The following MAP7 variants were observed in gnomAD, a reference collection of about 807,000 sequenced individuals.
The protein encoded by MAP7 is ensconsin.
A neutral mutation model predicts 94.8 loss-of-function variants in MAP7; 52 were observed. The ratio of observed to expected loss-of-function variants is 0.55; its 90% CI spans 0.44 to 0.69. The LOEUF (loss-of-function observed/expected upper bound fraction) is 0.69. Ranked by LOEUF, MAP7 falls within the 30% of genes least tolerant of loss-of-function variation. The probability of loss-of-function intolerance (pLI) is 0.00; values close to 1 mark genes in which losing one functional copy is unlikely to be tolerated. For missense variants in MAP7, 940 were observed against 964.6 expected, an observed-to-expected ratio of 0.97 and a Z score of 0.34; for synonymous variants, 350 against 357.0, an observed-to-expected ratio of 0.98 and a Z score of 0.22.
chr6:136,360,978 C>A (rs1355800261), intron 12 of MAP7, 27 bp downstream of exon 12: 4 of 1,549,880 alleles, frequency 2.6e-6, no homozygotes, highest in Non-Finnish European at 3.5e-6. Context: ...GGACTGGGGC[C>A]GGGGCCAGGG....
At chr6:136,393,714 C>T (rs1025670853) in intron 3 of MAP7, among the ~76,000 whole-genome samples, 2 of 151,920 alleles carry the variant, frequency 1.3e-5, no homozygotes, top group African/African-American at 2.4e-5. Flanking sequence ...CAGCTCATTG[C>T]AACCTCAAAC....
intron 3 of MAP7, among the ~76,000 whole-genome samples, chr6:136,402,250 T>G (rs150516432): frequency 6.6e-6 from 1 of 152,254 alleles, no homozygotes; most frequent in Non-Finnish European, 1.5e-5. Context: ...TTTATGTGTT[T>G]GTGAATTCTT....
intron 1 of MAP7, among the ~76,000 whole-genome samples, chr6:136,443,950 T>C (rs1056453531): frequency 6.6e-6 from 1 of 152,220 alleles, no homozygotes; most frequent in Non-Finnish European, 1.5e-5. Context: ...TCTGTCTCGT[T>C]TGTATTAATG....
intron 10 of MAP7, chr6:136,364,375 C>A: frequency 2.7e-6 from 1 of 374,080 alleles, no homozygotes. Flanking sequence ...TCCACCAATG[C>A]TGTTCCAGCT....
At position 136,343,335 on chromosome 6, in the gene MAP7, A is replaced by T. The variant is rs1173189191; in HGVS notation, c.*893T>A. The T allele has an allele frequency of 1.3e-5, 2 of 152,642 alleles. No homozygotes were observed. The highest frequency in any genetic ancestry group is 2.4e-5 in the African/African-American group (1 of 41,460). The allele number at this position is 152,642 out of a possible 1,614,324, so 9.5% of individuals were successfully genotyped here. A position where few individuals can be genotyped will look rare whatever the true frequency, so the allele number is the denominator to read the frequency against. On this transcript the variant is annotated 3_prime_UTR_variant, in exon 18 of 18. Transcript: ENST00000354570. ...CTATTTAAAGAAATATTAAATCTTT[A>T]TTTTCCCCAACATAATTTGTGATCA...
intron 3 of MAP7, among the ~76,000 whole-genome samples, chr6:136,403,425 G>A (rs1045263242): frequency 2.6e-5 from 4 of 152,174 alleles, no homozygotes; most frequent in East Asian, 3.8e-4. Context: ...TAACCTGCCC[G>A]ATGTCTCACA....
At chr6:136,468,905 C>T (rs1308635545) in intron 1 of MAP7, among the ~76,000 whole-genome samples, 1 of 151,980 alleles carries the variant, frequency 6.6e-6, no homozygotes, top group African/African-American at 2.4e-5. Flanking sequence ...ACTGGTACCA[C>T]AAGGACAGAA....
At chr6:136,358,830 G>A (rs1791715722) in intron 15 of MAP7, among the ~76,000 whole-genome samples, 1 of 152,186 alleles carries the variant, frequency 6.6e-6, no homozygotes, top group Admixed American at 6.5e-5. Flanking sequence ...AGACCACGAA[G>A]GATCACTGAA....
intron 1 of MAP7, among the ~76,000 whole-genome samples, chr6:136,535,993 G>A (rs192621965): frequency 3.5e-4 from 53 of 151,964 alleles, no homozygotes; most frequent in African/African-American, 1.1e-3. Context: ...GAGAACATGC[G>A]GTGTTTGGTT....
intron 1 of MAP7, among the ~76,000 whole-genome samples, chr6:136,531,888 C>T (rs984523288): frequency 6.6e-6 from 1 of 152,018 alleles, no homozygotes; most frequent in Non-Finnish European, 1.5e-5. Context: ...AATATGAGAA[C>T]AAGTGCTCTA....
chr6:136,468,071 C>T (rs1807700635), intron 1 of MAP7, among the ~76,000 whole-genome samples: 1 of 152,166 alleles, frequency 6.6e-6, no homozygotes, highest in Admixed American at 6.5e-5. Context: ...ACCCCTACAG[C>T]CCCAGAGACC....
chr6:136,406,124 T>C (rs1471488014), intron 3 of MAP7, among the ~76,000 whole-genome samples: 1 of 152,170 alleles, frequency 6.6e-6, no homozygotes, highest in Non-Finnish European at 1.5e-5. Context: ...AAATTCTATA[T>C]ACTCTGGTTC....
chr6:136,462,950 A>G lies in MAP7; in HGVS notation c.68-41151T>C, dbSNP rs1805729814. 4.2e-5 allele frequency among the ~76,000 whole-genome samples: 4 copies of G among 94,456 alleles called. 1 individual carries two copies. The South Asian group carries it at 1.5e-3, about 35-fold the overall frequency. 62.0% of individuals were successfully genotyped at this position (94,456 alleles called of 152,430 possible). A position where few individuals can be genotyped will look rare whatever the true frequency, so the allele number is the denominator to read the frequency against. ...AGCCTGGGCGACAGAGTGAGATCCT[A>G]TCTCAAAAAAAAAAAAAAAAGAAAA... On this transcript the variant is annotated intron_variant, in intron 1 of 17. Coordinates refer to ENST00000354570, the MANE Select transcript of MAP7 (RefSeq NM_003980.6).
intron 1 of MAP7, among the ~76,000 whole-genome samples, chr6:136,537,789 T>A (rs909236342): frequency 8.6e-5 from 9 of 105,146 alleles, no homozygotes; most frequent in African/African-American, 3.1e-4. Flanking sequence ...AAGTTATGAA[T>A]TTTTTTTTTT....
chr6:136,357,422 T>G (rs1361403964), intron 15 of MAP7, among the ~76,000 whole-genome samples: 1 of 152,222 alleles, frequency 6.6e-6, no homozygotes, highest in African/African-American at 2.4e-5. Context: ...GAGTTTCAGA[T>G]ATATCTGTGG....
Position 136,531,184 on chromosome 6 carries a change from A to T in MAP7, c.67+19158T>A, listed in dbSNP as rs373686470. On this transcript the variant is annotated intron_variant, in intron 1 of 17. Transcript: ENST00000354570. ...CTTCTGAATTACTTGATAAAAGTTA[A>T]ATGTGCAAAGACTGTCCTCTCTTCT... Among the ~76,000 whole-genome samples the T allele has an allele frequency of 5.5e-4, 79 of 144,784 alleles. 5 individuals carry two copies. In the South Asian group the frequency reaches 8.8e-3, roughly 16 times the overall value. The allele number at this position is 144,784 out of a possible 152,430, so 95.0% of individuals were successfully genotyped here. A position where few individuals can be genotyped will look rare whatever the true frequency, so the allele number is the denominator to read the frequency against.
chr6:136,523,351 C>G (rs1289875612), intron 1 of MAP7, among the ~76,000 whole-genome samples: 4 of 152,146 alleles, frequency 2.6e-5, no homozygotes, highest in Non-Finnish European at 5.9e-5. Context: ...TGCTACAGAC[C>G]AGAACTGTGT....
chr6:136,549,999 A>G (rs1417230170), intron 1 of MAP7, among the ~76,000 whole-genome samples: 1 of 152,018 alleles, frequency 6.6e-6, no homozygotes, highest in African/African-American at 2.4e-5. Context: ...TTCCCATTCA[A>G]CTGAATTAGA....
intron 3 of MAP7, among the ~76,000 whole-genome samples, chr6:136,409,907 A>G (rs1443970818): frequency 6.6e-6 from 1 of 152,230 alleles, no homozygotes; most frequent in Non-Finnish European, 1.5e-5. Flanking sequence ...ATCAATATGA[A>G]TTGAAATATG....
Sources: allele counts gnomAD v4.1 joint callset (sites outside exome capture counted in the v4.1 genomes callset), GRCh38; gene constraint gnomAD v4.1.1; transcripts MANE v1.5; gene names NCBI Gene and HGNC (gene_info 2026-07-23, HGNC 2026-07-21).